Variants in ERC1 observed in about 807,000 individuals in gnomAD.
ERC1 encodes ELKS/RAB6-interacting/CAST family member 1, also known as RAB6 interacting protein 2.
ERC1 carries 56 observed loss-of-function variants against 132.0 expected under a neutral mutation model. That is an observed-to-expected ratio of 0.42 (90% CI 0.34 to 0.53). ERC1 has a LOEUF of 0.53. ERC1 is among the 20% of genes least tolerant of loss of function. The probability of loss-of-function intolerance (pLI) is 0.03; values close to 1 mark genes in which losing one functional copy is unlikely to be tolerated. For missense variants in ERC1, 1,202 were observed against 1,349.9 expected (o/e 0.89, Z 1.72); for synonymous variants, 478 against 476.1 (o/e 1.00, Z -0.05).
intron 14 of ERC1, among the ~76,000 whole-genome samples, chr12:1,289,637 C>G (rs938605802): frequency 1.3e-5 from 2 of 152,042 alleles, no homozygotes; most frequent in Admixed American, 1.3e-4. Flanking sequence ...TCTTTCTGAC[C>G]TAAGCTGAAA....
intron 17 of ERC1, among the ~76,000 whole-genome samples, chr12:1,439,608 C>G (rs1306004614): frequency 6.6e-6 from 1 of 152,074 alleles, no homozygotes; most frequent in Non-Finnish European, 1.5e-5. Flanking sequence ...AATATCATGA[C>G]GAGTTCATTT....
At chr12:1,387,673 T>C (rs6489284) in intron 16 of ERC1, among the ~76,000 whole-genome samples, 79,084 of 151,946 alleles carry the variant, frequency 0.52, 23,783 homozygotes, top group African/African-American at 0.83. Context: ...CCACAGTCAC[T>C]GAAGCCAAAA....
intron 15 of ERC1, among the ~76,000 whole-genome samples, chr12:1,328,045 T>C (rs1002740674): frequency 4.6e-5 from 7 of 152,226 alleles, no homozygotes; most frequent in African/African-American, 1.7e-4. Flanking sequence ...TCACTTTGTT[T>C]TTGCAACAGC....
At chr12:1,367,671 G>T (rs562294391) in intron 15 of ERC1, among the ~76,000 whole-genome samples, 7 of 152,130 alleles carry the variant, frequency 4.6e-5, no homozygotes, top group East Asian at 1.9e-4. Context: ...TTGCCCAGAT[G>T]GGGGAAGGGG....
chr12:1,303,878 C>G (rs1171703161), intron 15 of ERC1, among the ~76,000 whole-genome samples: 1 of 147,854 alleles, frequency 6.8e-6, no homozygotes, highest in Admixed American at 6.8e-5. Context: ...TGCTGGAACC[C>G]GGGGGCAGAG....
At chr12:1,144,663 T>C (rs962736084) in intron 8 of ERC1, among the ~76,000 whole-genome samples, 7 of 150,668 alleles carry the variant, frequency 4.6e-5, no homozygotes, top group African/African-American at 1.2e-4. Flanking sequence ...TATATATATA[T>C]ACACACCACA....
At chr12:1,143,833 T>C (rs540371411) in intron 8 of ERC1, among the ~76,000 whole-genome samples, 2 of 152,276 alleles carry the variant, frequency 1.3e-5, no homozygotes, top group South Asian at 4.1e-4. Flanking sequence ...AGGTTTTCTT[T>C]TTGTTATAAA....
intron 12 of ERC1, among the ~76,000 whole-genome samples, chr12:1,224,134 C>T (rs1441349963): frequency 6.6e-6 from 1 of 152,046 alleles, no homozygotes; most frequent in East Asian, 1.9e-4. Flanking sequence ...TATCTCTTCC[C>T]AGAGAAACAG....
chr12:1,439,982 A>G (rs145458101), intron 17 of ERC1, among the ~76,000 whole-genome samples: 1 of 152,248 alleles, frequency 6.6e-6, no homozygotes, highest in East Asian at 1.9e-4. Context: ...TTTTTTACAG[A>G]TAGATTTGGG....
intron 15 of ERC1, among the ~76,000 whole-genome samples, chr12:1,355,019 G>A (rs7978960): frequency 0.099 from 15,051 of 152,144 alleles, 1,066 homozygotes; most frequent in African/African-American, 0.19. Context: ...ACCCAGAAAA[G>A]AGAGAAGGTG....
chr12:1,428,620 A>G (rs980008344), intron 17 of ERC1, among the ~76,000 whole-genome samples: 8 of 152,192 alleles, frequency 5.3e-5, no homozygotes, highest in African/African-American at 1.7e-4. Flanking sequence ...TTGATTTCAT[A>G]GAGTTACGTT....
intron 12 of ERC1, among the ~76,000 whole-genome samples, chr12:1,221,759 T>C (rs2154295598): frequency 6.6e-6 from 1 of 152,330 alleles, no homozygotes; most frequent in African/African-American, 2.4e-5. Context: ...GATATTTAAG[T>C]AGTATTATAA....
At chr12:1,080,571 A>T (rs1942040912) in intron 2 of ERC1, among the ~76,000 whole-genome samples, 1 of 152,176 alleles carries the variant, frequency 6.6e-6, no homozygotes, top group South Asian at 2.1e-4. Context: ...TGGGAGGGCC[A>T]TAGGAGGAGG....
At chr12:1,468,889 C>T (rs1485055204) in intron 18 of ERC1, among the ~76,000 whole-genome samples, 1 of 152,146 alleles carries the variant, frequency 6.6e-6, no homozygotes, top group East Asian at 1.9e-4. Flanking sequence ...CATTTCAGAC[C>T]TTTTCCCACT....
intron 1 of ERC1, among the ~76,000 whole-genome samples, chr12:1,025,637 G>A (rs930513304): frequency 6.6e-6 from 1 of 151,958 alleles, no homozygotes; most frequent in African/African-American, 2.4e-5. Flanking sequence ...AATTTATTTT[G>A]GTGTACTATG....
chr12:1,051,542 A>ACC (rs1971993083), intron 2 of ERC1, among the ~76,000 whole-genome samples: 2 of 21,252 alleles, frequency 9.4e-5, no homozygotes, highest in Non-Finnish European at 1.6e-4. Context: ...AAAAAAAAAA[A>ACC]AAAAAAAAAA....
intron 2 of ERC1, among the ~76,000 whole-genome samples, chr12:1,077,567 C>G (rs1290291190): frequency 2.6e-5 from 4 of 152,136 alleles, no homozygotes; most frequent in Non-Finnish European, 4.4e-5. Context: ...CAAATACTTT[C>G]CCAGCCTTTC....
At chr12:1,401,088 G>C (rs553046905) in intron 16 of ERC1, among the ~76,000 whole-genome samples, 1 of 151,026 alleles carries the variant, frequency 6.6e-6, no homozygotes, top group African/African-American at 2.4e-5. Flanking sequence ...GACGCCCACC[G>C]CTGCGCCCGG....
intron 3 of ERC1, among the ~76,000 whole-genome samples, chr12:1,084,500 CAGTG>C (rs1942682755): frequency 6.6e-6 from 1 of 152,122 alleles, no homozygotes; most frequent in South Asian, 2.1e-4. Flanking sequence ...TCTTTTTTAA[CAGTG>C]AGGGCATTTT....
Sources: gnomAD v4.1 joint callset for allele counts (sites outside exome capture counted in the v4.1 genomes callset) on GRCh38, gnomAD v4.1.1 for gene constraint, MANE v1.5 for transcripts, NCBI Gene and HGNC (gene_info 2026-07-23, HGNC 2026-07-21) for gene names.